Variants in CNOT6L observed in about 807,000 individuals in gnomAD.
CNOT6L encodes the protein CCR4-NOT transcription complex subunit 6-like.
CNOT6L carries 7 observed loss-of-function variants against 64.0 expected under a neutral mutation model. The observed-to-expected ratio is 0.11, with a 90% CI of 0.06 to 0.21. The LOEUF (loss-of-function observed/expected upper bound fraction) is 0.21. Ranked by LOEUF, CNOT6L falls within the 10% of genes least tolerant of loss-of-function variation. The pLI, the probability that CNOT6L is intolerant of heterozygous loss-of-function variation, is 1.00. For missense variants in CNOT6L, 245 were observed against 669.0 expected (o/e 0.37, Z 6.99); for synonymous variants, 193 against 243.4 (o/e 0.79, Z 1.93).
At chr4:77,813,679 G>A (rs1219498198) in intron 1 of CNOT6L, among the ~76,000 whole-genome samples, 1 of 152,130 alleles carries the variant, frequency 6.6e-6, no homozygotes, top group East Asian at 1.9e-4. Flanking sequence ...AGCCATCAGG[G>A]AAATGCAAAT....
At chr4:77,742,779 T>A (rs760256210) in intron 7 of CNOT6L, among the ~76,000 whole-genome samples, 2 of 152,204 alleles carry the variant, frequency 1.3e-5, no homozygotes, top group Admixed American at 1.3e-4. Flanking sequence ...CTTTAAGAAA[T>A]TTTTAAGTAC....
intron 4 of CNOT6L, among the ~76,000 whole-genome samples, chr4:77,761,807 T>C (rs1031679594): frequency 9.2e-5 from 14 of 152,032 alleles, no homozygotes; most frequent in Admixed American, 1.3e-4. Context: ...TAAAAATACA[T>C]ATCAGAAAGG....
chr4:77,812,745 T>C (rs1167515072), intron 1 of CNOT6L, among the ~76,000 whole-genome samples: 1 of 152,024 alleles, frequency 6.6e-6, no homozygotes, highest in Admixed American at 6.6e-5. Flanking sequence ...ATGGCAATGG[T>C]CCCAAAATTG....
chr4:77,767,822 T>G (rs1371660192), intron 4 of CNOT6L, among the ~76,000 whole-genome samples: 1 of 151,090 alleles, frequency 6.6e-6, no homozygotes, highest in East Asian at 2.0e-4. Context: ...CTACTAAAAA[T>G]ACAAAAACTA....
intron 1 of CNOT6L, among the ~76,000 whole-genome samples, chr4:77,807,229 G>A (rs1732330968): frequency 7.0e-6 from 1 of 143,596 alleles, no homozygotes; most frequent in Non-Finnish European, 1.5e-5. Context: ...AGTGAGCCGA[G>A]ATCGCGCCAC....
intron 1 of CNOT6L, among the ~76,000 whole-genome samples, chr4:77,815,944 T>C (rs555874220): frequency 6.6e-6 from 1 of 152,334 alleles, no homozygotes; most frequent in African/African-American, 2.4e-5. Context: ...CAAGTAAACT[T>C]CTTTGAAATT....
intron 5 of CNOT6L, among the ~76,000 whole-genome samples, chr4:77,754,887 G>GAAAAAAAAAA (rs1725286474): frequency 5.7e-4 from 7 of 12,302 alleles, no homozygotes; most frequent in Non-Finnish European, 9.0e-4. Flanking sequence ...AACATTAGAA[G>GAAAAAAAAAA]TAAAAAAAAA....
intron 1 of CNOT6L, among the ~76,000 whole-genome samples, chr4:77,803,176 A>G (rs966722477): frequency 6.6e-6 from 1 of 152,140 alleles, no homozygotes; most frequent in African/African-American, 2.4e-5. Context: ...GGTAAAGGTC[A>G]TGATCAGGCA....
intron 4 of CNOT6L, among the ~76,000 whole-genome samples, chr4:77,769,297 G>A (rs924910242): frequency 1.3e-5 from 2 of 152,060 alleles, no homozygotes; most frequent in Admixed American, 6.5e-5. Flanking sequence ...GAAAGAAAAC[G>A]CAGGAAACAT....
upstream of CNOT6L, chr4:77,819,658 TGCGGCGGCGGGG>T (rs1201892711): frequency 6.8e-6 from 1 of 147,638 alleles, no homozygotes; most frequent in Non-Finnish European, 1.5e-5. Context: ...GTGCTGGTGC[TGCGGCGGCGGGG>T]GAGGCGGCGG....
intron 4 of CNOT6L, among the ~76,000 whole-genome samples, chr4:77,772,665 G>GT (rs1485275826): frequency 1.3e-5 from 2 of 152,180 alleles, no homozygotes; most frequent in African/African-American, 2.4e-5. Context: ...GCTCACATCT[G>GT]TAATACCAGC....
At position 77,724,485 on chromosome 4, in the gene CNOT6L, A is replaced by G. The variant is rs139884929; in HGVS notation, c.1455+1682T>C. On this transcript the variant is annotated intron_variant, in intron 11 of 11. Transcript: ENST00000504123. ...AAAACCCTGTCTGTACTAAAAATAC[A>G]AAAAATTAGCTGGTCATGGTGGTGT... 3.0e-3 allele frequency among the ~76,000 whole-genome samples: 453 copies of G among 151,972 alleles called. 6 individuals carry two copies. Among genetic ancestry groups the G allele is most frequent in the East Asian group, 0.022 (111 of 5,150 alleles).
chr4:77,777,644 G>T (rs952706529), intron 1 of CNOT6L, among the ~76,000 whole-genome samples: 4 of 152,106 alleles, frequency 2.6e-5, no homozygotes, highest in Non-Finnish European at 5.9e-5. Flanking sequence ...TTGCCACATA[G>T]TATTTATATT....
chr4:77,776,958 G>A (rs917317562), intron 1 of CNOT6L, among the ~76,000 whole-genome samples: 23 of 152,292 alleles, frequency 1.5e-4, no homozygotes, highest in African/African-American at 4.1e-4. Flanking sequence ...ACGCAACAAC[G>A]ATAAGGAAAG....
At chr4:77,730,837 TAAG>T (rs1048416058) in intron 9 of CNOT6L, among the ~76,000 whole-genome samples, 5 of 152,152 alleles carry the variant, frequency 3.3e-5, no homozygotes, top group Admixed American at 3.3e-4. Context: ...AGGCAGGCAG[TAAG>T]AAGGATAAAA....
At chr4:77,747,972 T>TA (rs1319725315) in intron 6 of CNOT6L, among the ~76,000 whole-genome samples, 2 of 152,284 alleles carry the variant, frequency 1.3e-5, no homozygotes, top group East Asian at 3.9e-4. Context: ...CAATACTCTC[T>TA]ATGAAGATGC....
intron 9 of CNOT6L, among the ~76,000 whole-genome samples, chr4:77,729,748 G>GTT (rs944401357): frequency 6.8e-6 from 1 of 147,928 alleles, no homozygotes; most frequent in Non-Finnish European, 1.5e-5. Flanking sequence ...TATCTCTAAG[G>GTT]TTTTTTTTTT....
chr4:77,819,658 T>G (rs1382020136), upstream of CNOT6L: 4 of 147,638 alleles, frequency 2.7e-5, no homozygotes, highest in Non-Finnish European at 5.9e-5. Context: ...GTGCTGGTGC[T>G]GCGGCGGCGG....
rs558696176 is a variant in CNOT6L, at chr4:77,778,383, T to C, written c.6-1991A>G. 2.2e-4 allele frequency among the ~76,000 whole-genome samples: 32 copies of C among 146,836 alleles called. 1 individual carries two copies. In the East Asian group the frequency reaches 6.2e-3, roughly 29 times the overall value. On this transcript the variant is annotated intron_variant, in intron 1 of 11. Coordinates refer to ENST00000504123, the MANE Select transcript of CNOT6L (RefSeq NM_144571.3). ...AAAACACCCTAAATTTTCAAAAACA[T>C]AGGTTTCACTAATTTTAGATCTTTT...
Sources: allele counts gnomAD v4.1 joint callset (sites outside exome capture counted in the v4.1 genomes callset), GRCh38; gene constraint gnomAD v4.1.1; transcripts MANE v1.5; gene names NCBI Gene and HGNC (gene_info 2026-07-23, HGNC 2026-07-21).